The following ZNF846 variants were observed in gnomAD, a reference collection of about 807,000 sequenced individuals.
The protein encoded by ZNF846 is zinc finger protein 420 pseudogene.
In ZNF846, 15 loss-of-function variants were observed where a neutral mutation model predicts 16.0. The ratio of observed to expected loss-of-function variants is 0.94; its 90% CI spans 0.63 to 1.45. The LOEUF (loss-of-function observed/expected upper bound fraction) is 1.45. ZNF846 is among the 40% of genes most tolerant of loss of function. The pLI, the probability that ZNF846 is intolerant of heterozygous loss-of-function variation, is 0.00. For missense variants in ZNF846, 714 were observed against 622.3 expected (o/e 1.15, Z -1.57); for synonymous variants, 229 against 212.0 (o/e 1.08, Z -0.70).
downstream of ZNF846, among the ~76,000 whole-genome samples, chr19:9,753,174 C>T (rs945210076): frequency 6.6e-6 from 1 of 151,644 alleles, no homozygotes; most frequent in African/African-American, 2.4e-5. Context: ...CTAATACAAT[C>T]ACTTTGGGAG....
At chr19:9,771,345 T>C (rs1346228781), upstream of ZNF846, among the ~76,000 whole-genome samples, 1 of 152,082 alleles carries the variant, frequency 6.6e-6, no homozygotes, top group Non-Finnish European at 1.5e-5. Flanking sequence ...GCTTGGCTAA[T>C]TTTTGTATTT....
intron 1 of ZNF846, among the ~76,000 whole-genome samples, chr19:9,776,782 C>T (rs1184768436): frequency 6.6e-6 from 1 of 152,130 alleles, no homozygotes; most frequent in South Asian, 2.1e-4. Context: ...TCCCTCATAG[C>T]ATGAGAATAT....
At chr19:9,783,674 C>T (rs1381739140) in intron 1 of ZNF846, among the ~76,000 whole-genome samples, 1 of 148,400 alleles carries the variant, frequency 6.7e-6, no homozygotes, top group East Asian at 2.0e-4. Context: ...TCACCGTGTC[C>T]GGCCAGTTTT....
chr19:9,774,593 T>C, intron 1 of ZNF846: 2 of 1,510,726 alleles, frequency 1.3e-6, no homozygotes, highest in Non-Finnish European at 1.8e-6. Flanking sequence ...AGCTAATTTA[T>C]TGACTTAGCA....
At chr19:9,764,895 A>G (rs1372115098) in intron 2 of ZNF846, 41 bp downstream of exon 2, 1 of 1,612,102 alleles carries the variant, frequency 6.2e-7, no homozygotes, top group Non-Finnish European at 8.5e-7. Flanking sequence ...GATGATGGCT[A>G]CAAGCATAAC....
At chr19:9,780,057 T>G (rs12151132) in intron 1 of ZNF846, among the ~76,000 whole-genome samples, 9,516 of 149,200 alleles carry the variant, frequency 0.064, 500 homozygotes, top group South Asian at 0.12. Context: ...TGTTTTTTTT[T>G]TTGTTTTTTT....
chr19:9,767,824 C>T (rs2045342058), intron 1 of ZNF846, among the ~76,000 whole-genome samples: 1 of 152,104 alleles, frequency 6.6e-6, no homozygotes, highest in Non-Finnish European at 1.5e-5. Flanking sequence ...ATCCCAGTTA[C>T]TCAGCATGCT....
intron 1 of ZNF846, among the ~76,000 whole-genome samples, chr19:9,776,058 G>A (rs551862165): frequency 6.6e-6 from 1 of 152,214 alleles, no homozygotes; most frequent in Admixed American, 6.5e-5. Context: ...GCCCAGACAG[G>A]GCCACCAGAA....
exon 6 of ZNF846, chr19:9,758,350 C>T (rs751676619): frequency 6.2e-7 from 1 of 1,613,118 alleles, no homozygotes; most frequent in African/African-American, 1.3e-5. Flanking sequence ...CTTCCATGTC[C>T]TATAAGGTGT....
At chr19:9,755,799 C>CA (rs538572391), downstream of ZNF846, among the ~76,000 whole-genome samples, 2,574 of 24,684 alleles carry the variant, frequency 0.1, 531 homozygotes, top group Middle Eastern at 0.15. Flanking sequence ...GACTCCGTCT[C>CA]AAAAAAAAAA....
Position 9,778,830 on chromosome 19 carries a change from C to T in ZNF846, c.-86+7108G>A, listed in dbSNP as rs572221780. Among the ~76,000 whole-genome samples the T allele has an allele frequency of 1.9e-4, 26 of 138,084 alleles. No individual in the cohort carries two copies. The South Asian group carries it at 2.0e-3, about 11-fold the overall frequency. The allele number at this position is 138,084 out of a possible 152,430, so 90.6% of individuals were successfully genotyped here. A position where few individuals can be genotyped will look rare whatever the true frequency, so the allele number is the denominator to read the frequency against. On this transcript the variant is annotated intron_variant, in intron 1 of 4. Transcript: ENST00000586814. The stretch of plus-strand genomic sequence containing the variant: ...AAAAAAAAAAAAAAAAAAAAAAAGA[C>T]GCAAGGTCTCGCTATGTTGCCCAGG...
chr19:9,783,675 G>A (rs1280801037), intron 1 of ZNF846, among the ~76,000 whole-genome samples: 10 of 148,914 alleles, frequency 6.7e-5, no homozygotes, highest in East Asian at 3.9e-4. Context: ...CACCGTGTCC[G>A]GCCAGTTTTG....
chr19:9,765,900 T>A (rs1427300678), intron 1 of ZNF846, among the ~76,000 whole-genome samples: 1 of 149,832 alleles, frequency 6.7e-6, no homozygotes, highest in Non-Finnish European at 1.5e-5. Context: ...AGACCAAGTC[T>A]CTTTATTAAA....
chr19:9,783,542 A>ATAT lies in ZNF846; in HGVS notation c.-86+2395_-86+2396insATA, dbSNP rs61553274. On this transcript the variant is annotated intron_variant, in intron 1 of 4. Coordinates refer to the ZNF846 transcript ENST00000586814. ...TCTCATCACTAAAAAAAAAAAAAAAAAAATATATATATATATATATATATT... is the reference window on the plus strand; with the variant it reads ...TCTCATCACTAAAAAAAAAAAAAAAATATAAATATATATATATATATATATATT... 7.2e-3 allele frequency among the ~76,000 whole-genome samples: 855 copies of ATAT among 118,138 alleles called. 8 individuals are homozygous for ATAT. Among genetic ancestry groups the ATAT allele is most frequent in the African/African-American group, 0.031 (761 of 24,464 alleles). The allele number at this position is 118,138 out of a possible 152,430, so 77.5% of individuals were successfully genotyped here.
intron 1 of ZNF846, among the ~76,000 whole-genome samples, chr19:9,783,096 A>AT (rs1240699385): frequency 3.3e-5 from 5 of 151,050 alleles, no homozygotes; most frequent in African/African-American, 9.7e-5. Context: ...TGATTTTTAA[A>AT]TTTTTTTGTA....
chr19:9,750,167 C>G (rs1350479216), downstream of ZNF846, among the ~76,000 whole-genome samples: 1 of 152,142 alleles, frequency 6.6e-6, no homozygotes, highest in Non-Finnish European at 1.5e-5. Flanking sequence ...TACTGACAAA[C>G]TAAAAAACAT....
At chr19:9,760,221 G>A (rs1012135972) in intron 4 of ZNF846, among the ~76,000 whole-genome samples, 1 of 151,138 alleles carries the variant, frequency 6.6e-6, no homozygotes, top group Non-Finnish European at 1.5e-5. Context: ...TGAACCCAGA[G>A]GGTGGAGGTT....
At chr19:9,763,359 C>A (rs961201735) in exon 3 of ZNF846, 2 of 1,611,572 alleles carry the variant, frequency 1.2e-6, no homozygotes, top group Non-Finnish European at 1.7e-6. Flanking sequence ...CAACAAAGTC[C>A]ACTCCTCCTG....
Position 9,758,879 on chromosome 19 carries a change from C to T in ZNF846, c.313-115G>A, listed in dbSNP as rs1280165075. 6 of 895,350 alleles carry T rather than the reference C, an allele frequency of 6.7e-6. 1 individual carries two copies. The East Asian group carries it at 8.2e-5, about 12-fold the overall frequency. 55.5% of individuals were successfully genotyped at this position (895,350 alleles called of 1,614,324 possible). On this transcript the variant is annotated intron_variant, in intron 5 of 5. Coordinates refer to ENST00000397902, the Ensembl canonical transcript of ZNF846. Reference sequence around the variant, plus strand: ...ATATATTTAAACATTTTAACATATCCATTATATGTACAGAGTTCCAGCCCC... The same window carrying T: ...ATATATTTAAACATTTTAACATATCTATTATATGTACAGAGTTCCAGCCCC...
Sources: gnomAD v4.1 joint callset for allele counts (sites outside exome capture counted in the v4.1 genomes callset) on GRCh38, gnomAD v4.1.1 for gene constraint, MANE v1.5 for transcripts, NCBI Gene and HGNC (gene_info 2026-07-23, HGNC 2026-07-21) for gene names.